Variants in TENM3 observed in about 807,000 individuals in gnomAD.
The protein encoded by TENM3 is teneurin transmembrane protein 3.
In TENM3, 63 loss-of-function variants were observed where a neutral mutation model predicts 255.1. That is an observed-to-expected ratio of 0.25 (90% CI 0.20 to 0.30). TENM3 has a LOEUF of 0.30. Ranked by LOEUF, TENM3 falls within the 10% of genes least tolerant of loss-of-function variation. The pLI is 1.00. For synonymous variants in TENM3, 1,306 were observed against 1,322.3 expected (o/e 0.99, Z 0.27); for missense variants, 2,929 against 3,461.1 (o/e 0.85, Z 3.86).
At chr4:182,698,766 A>G (rs532540062) in intron 12 of TENM3, among the ~76,000 whole-genome samples, 2 of 152,364 alleles carry the variant, frequency 1.3e-5, no homozygotes, top group South Asian at 4.1e-4. Context: ...GCAGCAGCAT[A>G]GTCATCAGCT....
chr4:182,130,057 T>C, the TENM3 span, among the ~76,000 whole-genome samples: 1 of 152,166 alleles, frequency 6.6e-6, no homozygotes, highest in African/African-American at 2.4e-5. Context: ...CCAAATTAGA[T>C]TGTGATATTT....
chr4:182,082,031 G>T, the TENM3 span, among the ~76,000 whole-genome samples: 22 of 152,200 alleles, frequency 1.4e-4, no homozygotes, highest in Admixed American at 9.2e-4. Context: ...ACTTGCTTAG[G>T]GTTATTTAAA....
At chr4:181,937,517 T>G in the TENM3 span, among the ~76,000 whole-genome samples, 51 of 152,218 alleles carry the variant, frequency 3.4e-4, no homozygotes, top group Admixed American at 2.9e-3. Flanking sequence ...GGAAGGACAT[T>G]GAACAGGACA....
chr4:182,210,378 C>G (rs1426464447), intron 1 of TENM3, among the ~76,000 whole-genome samples: 1 of 152,144 alleles, frequency 6.6e-6, no homozygotes, highest in Non-Finnish European at 1.5e-5. Flanking sequence ...TCCTGTTACT[C>G]TCTCCTCTCA....
the TENM3 span, among the ~76,000 whole-genome samples, chr4:182,118,560 C>A: frequency 1.6e-3 from 247 of 151,956 alleles, 2 homozygotes; most frequent in African/African-American, 5.7e-3. Flanking sequence ...GGATTACAGG[C>A]ATGAGCCTGT....
At chr4:181,475,892 C>A in the TENM3 span, among the ~76,000 whole-genome samples, 25 of 152,226 alleles carry the variant, frequency 1.6e-4, no homozygotes, top group Non-Finnish European at 1.5e-5. Flanking sequence ...TTCTCCTTTT[C>A]CTTGGCTCTG....
the TENM3 span, among the ~76,000 whole-genome samples, chr4:181,803,574 T>G: frequency 6.6e-6 from 1 of 152,118 alleles, no homozygotes; most frequent in African/African-American, 2.4e-5. Flanking sequence ...ACCAGTGCCT[T>G]AAACTCAGAT....
the TENM3 span, among the ~76,000 whole-genome samples, chr4:181,887,441 A>G: frequency 1.3e-5 from 2 of 152,224 alleles, no homozygotes; most frequent in African/African-American, 2.4e-5. Flanking sequence ...ATCTGTTAGT[A>G]GGTGGCTACA....
intron 13 of TENM3, among the ~76,000 whole-genome samples, chr4:182,722,667 A>C (rs1759832869): frequency 6.6e-6 from 1 of 152,220 alleles, no homozygotes; most frequent in East Asian, 1.9e-4. Flanking sequence ...AAGTAAAGGA[A>C]GCATTTTAGC....
At position 182,778,573 on chromosome 4, in the gene TENM3, C is replaced by A. The variant is rs890770703; in HGVS notation, c.5304+3420C>A. Among the ~76,000 whole-genome samples the A allele has an allele frequency of 3.3e-5, 5 of 152,250 alleles. No homozygotes were observed. In the East Asian group the frequency reaches 9.7e-4, roughly 29 times the overall value. On this transcript the variant is annotated intron_variant, in intron 24 of 27. Coordinates refer to ENST00000511685, the MANE Select transcript of TENM3 (RefSeq NM_001080477.4). The stretch of plus-strand genomic sequence containing the variant: ...GAGCCTGCCCTTCCTTACTTCCCCC[C>A]ATGACATCTTGGCTAAGTGAGTGTA...
the TENM3 span, among the ~76,000 whole-genome samples, chr4:182,082,232 G>A: frequency 6.6e-6 from 1 of 152,146 alleles, no homozygotes; most frequent in Admixed American, 6.5e-5. Flanking sequence ...TTCGTAGGTG[G>A]CACCTTCTCT....
chr4:182,178,341 A>T (rs2149726750), intron 1 of TENM3, among the ~76,000 whole-genome samples: 1 of 152,274 alleles, frequency 6.6e-6, no homozygotes, highest in South Asian at 2.1e-4. Context: ...CTTTCCTAAT[A>T]AATTTTACAA....
the TENM3 span, among the ~76,000 whole-genome samples, chr4:182,055,033 A>C: frequency 3.9e-5 from 6 of 152,134 alleles, no homozygotes; most frequent in Non-Finnish European, 5.9e-5. Context: ...GTTGGAAGTA[A>C]CATTTACTTC....
At chr4:181,514,846 C>A in the TENM3 span, among the ~76,000 whole-genome samples, 3 of 152,024 alleles carry the variant, frequency 2.0e-5, no homozygotes, top group African/African-American at 7.3e-5. Context: ...GAATGGATAT[C>A]GAATGGAAAT....
chr4:181,463,650 A>G, the TENM3 span, among the ~76,000 whole-genome samples: 3 of 152,236 alleles, frequency 2.0e-5, no homozygotes, highest in Non-Finnish European at 2.9e-5. Context: ...TTATTGAGAT[A>G]TGGTTCATAA....
chr4:182,158,842 C>T (rs939808625), intron 1 of TENM3, among the ~76,000 whole-genome samples: 2 of 152,046 alleles, frequency 1.3e-5, no homozygotes, highest in South Asian at 2.1e-4. Flanking sequence ...GCCTGAATAC[C>T]GATACTAAAT....
chr4:182,156,503 CT>C (rs1750716055), intron 1 of TENM3, among the ~76,000 whole-genome samples: 1 of 152,040 alleles, frequency 6.6e-6, no homozygotes, highest in South Asian at 2.1e-4. Context: ...AACCCTCCCC[CT>C]CTCCCCGCCC....
chr4:182,231,378 C>T (rs971783011), intron 1 of TENM3, among the ~76,000 whole-genome samples: 9 of 152,048 alleles, frequency 5.9e-5, no homozygotes, highest in African/African-American at 1.9e-4. Flanking sequence ...AAAAGGAACG[C>T]GTAGAGGTAT....
chr4:182,669,932 A>C (rs1251050709), intron 6 of TENM3, among the ~76,000 whole-genome samples: 2 of 152,140 alleles, frequency 1.3e-5, no homozygotes, highest in Non-Finnish European at 2.9e-5. Flanking sequence ...GTAGGTTCTC[A>C]GTGAAGATTA....
Sources: allele counts gnomAD v4.1 joint callset (sites outside exome capture counted in the v4.1 genomes callset), GRCh38; gene constraint gnomAD v4.1.1; transcripts MANE v1.5; gene names NCBI Gene and HGNC (gene_info 2026-07-23, HGNC 2026-07-21).